GRIK1: variants seen among roughly 807,000 people sequenced by gnomAD.
The protein encoded by GRIK1 is glutamate receptor ionotropic, kainate 1.
GRIK1 carries 69 observed loss-of-function variants against 105.7 expected under a neutral mutation model. The ratio of observed to expected loss-of-function variants is 0.65; its 90% CI spans 0.54 to 0.80. The LOEUF is 0.80. Among genes scored for constraint, GRIK1 ranks in the 30% least tolerant of loss-of-function variants. The probability of loss-of-function intolerance (pLI) is 0.00; values close to 1 mark genes in which losing one functional copy is unlikely to be tolerated. For synonymous variants in GRIK1, 438 were observed against 431.3 expected, an observed-to-expected ratio of 1.02 and a Z score of -0.19; for missense variants, 1,109 against 1,167.3, an observed-to-expected ratio of 0.95 and a Z score of 0.73.
chr21:29,846,404 GAAGAAAGAGA>G (rs1230715315), intron 1 of GRIK1, among the ~76,000 whole-genome samples: 1 of 130,776 alleles, frequency 7.6e-6, no homozygotes, highest in Admixed American at 7.8e-5. Flanking sequence ...AAAAAAGAAA[GAAGAAAGAGA>G]AAGAAAGAAA....
At chr21:29,777,509 A>C (rs917679048) in intron 1 of GRIK1, among the ~76,000 whole-genome samples, 1 of 152,214 alleles carries the variant, frequency 6.6e-6, no homozygotes, top group South Asian at 2.1e-4. Flanking sequence ...GGTTTGGGGT[A>C]TGGATAACAG....
intron 7 of GRIK1, among the ~76,000 whole-genome samples, chr21:29,600,231 T>C (rs1469597095): frequency 1.3e-5 from 2 of 152,266 alleles, no homozygotes; most frequent in African/African-American, 2.4e-5. Flanking sequence ...TTTTGCTATA[T>C]AAATTAACAT....
intron 1 of GRIK1, among the ~76,000 whole-genome samples, chr21:29,872,436 G>T (rs909955279): frequency 6.6e-6 from 1 of 151,788 alleles, no homozygotes; most frequent in Admixed American, 6.6e-5. Context: ...CTTGTGATCC[G>T]CCCGCCTCTG....
chr21:29,683,349 C>T (rs2063418503), intron 3 of GRIK1, among the ~76,000 whole-genome samples: 1 of 152,180 alleles, frequency 6.6e-6, no homozygotes, highest in South Asian at 2.1e-4. Context: ...GCACTATTCA[C>T]AATAGCAAAG....
At chr21:29,783,431 T>C (rs1433675552) in intron 1 of GRIK1, among the ~76,000 whole-genome samples, 1 of 152,218 alleles carries the variant, frequency 6.6e-6, no homozygotes, top group Non-Finnish European at 1.5e-5. Context: ...TCACTGTGCA[T>C]ATACATATTT....
chr21:29,737,660 C>T (rs185263682), intron 1 of GRIK1, among the ~76,000 whole-genome samples: 1 of 152,350 alleles, frequency 6.6e-6, no homozygotes, highest in African/African-American at 2.4e-5. Flanking sequence ...TTAAAGAAGG[C>T]TTTGCCGGCC....
At chr21:29,603,466 C>T (rs545440503) in intron 7 of GRIK1, among the ~76,000 whole-genome samples, 6 of 152,110 alleles carry the variant, frequency 3.9e-5, no homozygotes, top group Non-Finnish European at 7.4e-5. Context: ...TCAGTAGTAA[C>T]ACCTATTGCC....
chr21:29,879,873 G>T (rs1455681589), intron 1 of GRIK1, among the ~76,000 whole-genome samples: 1 of 151,782 alleles, frequency 6.6e-6, no homozygotes, highest in Non-Finnish European at 1.5e-5. Flanking sequence ...TTTAACAAAT[G>T]CTTAACATCA....
At position 29,620,770 on chromosome 21, in the gene GRIK1, C is replaced by CAT. The variant is rs200139967; in HGVS notation, c.1099-21835_1099-21834dup. On this transcript the variant is annotated intron_variant, in intron 7 of 17. Coordinates refer to ENST00000327783, the MANE Select transcript of GRIK1 (RefSeq NM_001330994.2). ...TAAGTTACATAAATGGTATGAAAGT[C>CAT]ATATATATATAGATATATATATCTA... 5.1e-3 allele frequency among the ~76,000 whole-genome samples: 598 copies of CAT among 117,358 alleles called. 10 individuals carry two copies. Among genetic ancestry groups the CAT allele is most frequent in the African/African-American group, 0.02 (509 of 25,274 alleles). The allele number at this position is 117,358 out of a possible 152,430, so 77.0% of individuals were successfully genotyped here.
chr21:29,580,152 T>C (rs1490975190), intron 13 of GRIK1, among the ~76,000 whole-genome samples: 8 of 143,074 alleles, frequency 5.6e-5, no homozygotes, highest in African/African-American at 8.0e-5. Context: ...CATATATATA[T>C]ACACATACAT....
At chr21:29,537,525 T>C (rs2089899571) in intron 17 of GRIK1, 140 bp from the exon 18 acceptor site, 2 of 700,410 alleles carry the variant, frequency 2.9e-6, no homozygotes, top group Non-Finnish European at 4.9e-6. Flanking sequence ...TCCCATCACC[T>C]CCTCCTCCAC....
chr21:29,850,957 A>G (rs1353303240), intron 1 of GRIK1, among the ~76,000 whole-genome samples: 3 of 152,214 alleles, frequency 2.0e-5, no homozygotes, highest in African/African-American at 4.8e-5. Flanking sequence ...AGATGCCAAT[A>G]ATATTATTCC....
chr21:29,848,779 A>ATATTTTTTTTTT, intron 1 of GRIK1, among the ~76,000 whole-genome samples: 1 of 77,866 alleles, frequency 1.3e-5, no homozygotes, highest in African/African-American at 5.8e-5. Context: ...ATATATATAT[A>ATATTTTTTTTTT]TTTTTTTTTT....
chr21:29,688,216 T>C (rs917520286), intron 3 of GRIK1, among the ~76,000 whole-genome samples: 1 of 152,200 alleles, frequency 6.6e-6, no homozygotes, highest in South Asian at 2.1e-4. Flanking sequence ...ACCCACTCAC[T>C]TAGAATCTTC....
At chr21:29,683,418 T>C (rs8127107) in intron 3 of GRIK1, among the ~76,000 whole-genome samples, 2,151 of 152,312 alleles carry the variant, frequency 0.014, 49 homozygotes, top group African/African-American at 0.05. Context: ...ATATGGTACA[T>C]ACACACCACA....
chr21:29,720,090 TAC>T (rs2064282376), intron 1 of GRIK1, among the ~76,000 whole-genome samples: 1 of 152,232 alleles, frequency 6.6e-6, no homozygotes, highest in African/African-American at 2.4e-5. Flanking sequence ...ATCATGCTTT[TAC>T]ATGATAAAAG....
At chr21:29,591,720 G>A (rs903116561) in intron 9 of GRIK1, among the ~76,000 whole-genome samples, 3 of 152,040 alleles carry the variant, frequency 2.0e-5, no homozygotes, top group Non-Finnish European at 2.9e-5. Context: ...ATGGGGTGAA[G>A]GGGCAGGGTG....
intron 1 of GRIK1, among the ~76,000 whole-genome samples, chr21:29,798,661 G>A (rs1265111066): frequency 2.0e-5 from 3 of 152,130 alleles, no homozygotes; most frequent in African/African-American, 7.2e-5. Context: ...TGATTTCAAA[G>A]AACATTAAAA....
At chr21:29,895,546 C>A (rs925911439) in intron 1 of GRIK1, among the ~76,000 whole-genome samples, 1 of 152,192 alleles carries the variant, frequency 6.6e-6, no homozygotes, top group African/African-American at 2.4e-5. Flanking sequence ...ATGCCCTTAG[C>A]CCATCCATGT....
Sources: allele counts gnomAD v4.1 joint callset (sites outside exome capture counted in the v4.1 genomes callset), GRCh38; gene constraint gnomAD v4.1.1; transcripts MANE v1.5; gene names NCBI Gene and HGNC (gene_info 2026-07-23, HGNC 2026-07-21).